Variants in THTPA observed in about 807,000 individuals in gnomAD.
THTPA encodes the protein thiamine-triphosphatase.
Under a neutral mutation model 16.5 loss-of-function variants are expected in THTPA, and 16 were observed. That is an observed-to-expected ratio of 0.97 (90% CI 0.66 to 1.47). The LOEUF is 1.47. Among genes scored for constraint, THTPA ranks in the 40% most tolerant of loss-of-function variants. THTPA has a pLI of 0.00. For synonymous variants in THTPA, 110 were observed against 115.5 expected, an observed-to-expected ratio of 0.95 and a Z score of 0.30; for missense variants, 281 against 280.9, an observed-to-expected ratio of 1.00 and a Z score of 0.00.
In THTPA at chr14:23,558,784, A is replaced by G; in HGVS notation, c.637A>G (p.Asn213Asp). 1 of 1,614,202 alleles carries G rather than the reference A, an allele frequency of 6.2e-7. No individual in the cohort carries two copies. The highest frequency in any genetic ancestry group is 1.3e-5 in the African/African-American group (1 of 75,046). Reference sequence around the variant, plus strand: ...AGACTATCAGCGCCTGCTAGAAGTGAACAGCTCCAGAGAGAGGCCACAGGA... The same window carrying G: ...AGACTATCAGCGCCTGCTAGAAGTGGACAGCTCCAGAGAGAGGCCACAGGA... ...PQDYQRLLEV[N>D]SSRERPQETE... Residue 213 changes from asparagine to aspartate, a missense_variant, in exon 2 of 2, where the codon AAC becomes GAC. Coordinates refer to ENST00000288014, the MANE Select transcript of THTPA (RefSeq NM_024328.6).
the THTPA span, among the ~76,000 whole-genome samples, chr14:23,515,096 A>T: frequency 1.3e-5 from 2 of 152,066 alleles, no homozygotes; most frequent in African/African-American, 2.4e-5. Context: ...AACAACAACA[A>T]CAAAACCCTA....
At chr14:23,512,272 G>C in the THTPA span, among the ~76,000 whole-genome samples, 1 of 152,006 alleles carries the variant, frequency 6.6e-6, no homozygotes, top group Non-Finnish European at 1.5e-5. Context: ...GCGGTGGCTG[G>C]CACAGTGCCC....
At chr14:23,546,392 AG>A in the THTPA span, among the ~76,000 whole-genome samples, 1 of 152,202 alleles carries the variant, frequency 6.6e-6, no homozygotes, top group Non-Finnish European at 1.5e-5. This position sits in a 1 kb window ranked among gnomAD's most constrained non-coding sequence, Gnocchi z 4.7. Context: ...AGTAGAAATT[AG>A]AAAAATATAT....
chr14:23,536,794 AC>A, the THTPA span, among the ~76,000 whole-genome samples: 1 of 152,162 alleles, frequency 6.6e-6, no homozygotes, highest in Non-Finnish European at 1.5e-5. Flanking sequence ...ACCCAGCTAG[AC>A]TGTCCCTTGG....
the THTPA span, chr14:23,534,908 T>C: frequency 6.5e-7 from 1 of 1,536,072 alleles, no homozygotes; most frequent in Non-Finnish European, 8.7e-7. The surrounding 1 kb of genome is among the most constrained non-coding windows in gnomAD (Gnocchi z 4.5). Context: ...GGGAAGCCCT[T>C]TGGTAACAGG....
At chr14:23,524,102 A>G in the THTPA span, 2 of 1,534,110 alleles carry the variant, frequency 1.3e-6, no homozygotes, top group Non-Finnish European at 8.7e-7. The surrounding 1 kb of genome is among the most constrained non-coding windows in gnomAD (Gnocchi z 5.6). Context: ...TACCTTGCCT[A>G]ATAAGAGGTT....
Position 23,558,706 on chromosome 14 carries a change from C to A in THTPA, c.559C>A (p.Gln187Lys). 6.2e-7 allele frequency: 1 copy of A among 1,614,242 alleles called. No homozygotes were observed. Among genetic ancestry groups the A allele is most frequent in the South Asian group, 1.1e-5 (1 of 91,090 alleles). ...RLSSMLGVPA[Q>K]ETAPAKLIVY... ...CCTTTTACCTGTAGGTGTGCCTGCA[C>A]AGGAGACAGCACCAGCCAAGCTGAT... Residue 187 changes from glutamine (Q) to lysine (K), a missense_variant, in exon 2 of 2, where the codon CAG (glutamine) becomes AAG (lysine). Physicochemically the swap from Gln to Lys is moderately conservative, Grantham distance 53. Transcript: ENST00000288014.
At chr14:23,524,938 TC>T in the THTPA span, 2 of 1,536,048 alleles carry the variant, frequency 1.3e-6, no homozygotes, top group Non-Finnish European at 1.7e-6. The surrounding 1 kb of genome is among the most constrained non-coding windows in gnomAD (Gnocchi z 5.6). Flanking sequence ...AGCCGGAGGC[TC>T]CCCCAGTGCC....
chr14:23,533,848 GGGTGGGCGCCCCCAGC>G, the THTPA span: 1 of 1,539,422 alleles, frequency 6.5e-7, no homozygotes, highest in Non-Finnish European at 8.7e-7. The surrounding 1 kb of genome is among the most constrained non-coding windows in gnomAD (Gnocchi z 4.8). Flanking sequence ...AGCAAGGCGG[GGGTGGGCGCCCCCAGC>G]ACTGCAGTAG....
chr14:23,558,018 TC>T (rs143340208), intron 1 of THTPA, among the ~76,000 whole-genome samples: 1,906 of 152,360 alleles, frequency 0.013, 32 homozygotes, highest in African/African-American at 0.044. Context: ...GCAGATTTGT[TC>T]CTAAGCATAA....
At chr14:23,532,688 T>G in the THTPA span, 1 of 1,528,572 alleles carries the variant, frequency 6.5e-7, no homozygotes, top group South Asian at 1.2e-5. Context: ...GACAGACCCA[T>G]AAGGAGCCCC....
the THTPA span, chr14:23,522,379 C>T: frequency 2.6e-6 from 4 of 1,536,248 alleles, no homozygotes; most frequent in South Asian, 3.6e-5. Context: ...CTGTCAGCAG[C>T]TCATCAACCT....
chr14:23,526,543 A>G, the THTPA span: 1 of 1,535,644 alleles, frequency 6.5e-7, no homozygotes, highest in South Asian at 1.2e-5. Context: ...CTTGGGCATC[A>G]GGTTCAGGGA....
the THTPA span, chr14:23,532,692 G>T: frequency 6.5e-7 from 1 of 1,530,054 alleles, no homozygotes; most frequent in Non-Finnish European, 8.7e-7. Flanking sequence ...GACCCATAAG[G>T]AGCCCCATCT....
chr14:23,552,111 G>T (rs146713889), upstream of THTPA, among the ~76,000 whole-genome samples: 5 of 151,786 alleles, frequency 3.3e-5, no homozygotes, highest in East Asian at 9.7e-4. Context: ...TTATTATTCC[G>T]CCTCCCCCAT....
At chr14:23,530,309 C>G in the THTPA span, 4 of 807,784 alleles carry the variant, frequency 5.0e-6, no homozygotes, top group Non-Finnish European at 4.1e-6. Flanking sequence ...ATGGATGGCT[C>G]AATCAGCAGG....
At chr14:23,530,211 G>GA in the THTPA span, 1 of 1,516,844 alleles carries the variant, frequency 6.6e-7, no homozygotes, top group Non-Finnish European at 8.9e-7. Flanking sequence ...AGGATGGGGG[G>GA]AGAGTCAGCT....
chr14:23,556,473 C>T lies in THTPA; in HGVS notation c.-285C>T, dbSNP rs955974535. On this transcript the variant is annotated 5_prime_UTR_variant, in exon 1 of 2. Transcript: ENST00000288014. The stretch of plus-strand genomic sequence containing the variant: ...CGTTGAAAGGACACCCGCTACCCGG[C>T]CTGCTTTCTAGGGGTCTCTTTGGAT... 47 of 419,550 alleles carry T rather than the reference C, an allele frequency of 1.1e-4. No homozygotes were observed. The highest frequency in any genetic ancestry group is 1.9e-4 in the Non-Finnish European group (45 of 233,810). 26.0% of individuals were successfully genotyped at this position (419,550 alleles called of 1,614,324 possible).
At chr14:23,533,210 T>A in the THTPA span, 1 of 1,435,748 alleles carries the variant, frequency 7.0e-7, no homozygotes, top group Non-Finnish European at 9.1e-7. The surrounding 1 kb of genome is among the most constrained non-coding windows in gnomAD (Gnocchi z 4.8). Flanking sequence ...AGTGGGGAGT[T>A]GGTCCTTGGG....
Sources: gnomAD v4.1 joint callset for allele counts (sites outside exome capture counted in the v4.1 genomes callset) on GRCh38, gnomAD v4.1.1 for gene constraint, Gnocchi (gnomAD v3.1) non-coding constraint, MANE v1.5 for transcripts, NCBI Gene and HGNC (gene_info 2026-07-23, HGNC 2026-07-21) for gene names.